Variants in KCNH5 observed in about 807,000 individuals in gnomAD.
KCNH5 encodes the protein potassium voltage-gated channel subfamily H member 5.
In KCNH5, 46 loss-of-function variants were observed where a neutral mutation model predicts 96.1. The ratio of observed to expected loss-of-function variants is 0.48; its 90% CI spans 0.38 to 0.61. The LOEUF (loss-of-function observed/expected upper bound fraction) is 0.61. Among genes scored for constraint, KCNH5 ranks in the 20% least tolerant of loss-of-function variants. The pLI, the probability that KCNH5 is intolerant of heterozygous loss-of-function variation, is 0.00. For missense variants in KCNH5, 907 were observed against 1,225.8 expected, an observed-to-expected ratio of 0.74 and a Z score of 3.88; for synonymous variants, 439 against 449.8, an observed-to-expected ratio of 0.98 and a Z score of 0.30.
intron 9 of KCNH5, among the ~76,000 whole-genome samples, chr14:62,801,204 C>G (rs1886652497): frequency 6.6e-6 from 1 of 151,660 alleles, no homozygotes; most frequent in Non-Finnish European, 1.5e-5. Flanking sequence ...TAAAATCTAT[C>G]AGTTAATCTT....
intron 1 of KCNH5, among the ~76,000 whole-genome samples, chr14:63,024,684 T>C (rs1891493366): frequency 6.6e-6 from 1 of 151,954 alleles, no homozygotes; most frequent in Non-Finnish European, 1.5e-5. Flanking sequence ...GAAATAAATT[T>C]CTAGACACAT....
chr14:62,781,517 G>C (rs527459977), intron 9 of KCNH5, among the ~76,000 whole-genome samples: 76 of 152,248 alleles, frequency 5.0e-4, no homozygotes, highest in East Asian at 3.1e-3. Flanking sequence ...CTGCAGTCTC[G>C]ACCGTAAGAG....
In KCNH5 at chr14:62,706,150, A is replaced by G. The variant is rs1368419003; in HGVS notation, c.*1358T>C. ...CTTTGTGACTTTTTTTAAAAACTTG[A>G]TAATAGGCACTTTCTACAAAGAGGA... On this transcript the variant is annotated 3_prime_UTR_variant, in exon 11 of 11. Coordinates refer to ENST00000322893, the MANE Select transcript of KCNH5 (RefSeq NM_139318.5). 4 of 152,126 alleles carry G rather than the reference A, an allele frequency of 2.6e-5. No homozygotes were observed. Among genetic ancestry groups the G allele is most frequent in the African/African-American group, 7.2e-5 (3 of 41,450 alleles). The allele number at this position is 152,126 out of a possible 1,614,324, so 9.4% of individuals were successfully genotyped here. A position where few individuals can be genotyped will look rare whatever the true frequency, so the allele number is the denominator to read the frequency against.
intron 7 of KCNH5, among the ~76,000 whole-genome samples, chr14:62,862,126 A>G (rs1189069569): frequency 6.6e-6 from 1 of 152,232 alleles, no homozygotes; most frequent in Admixed American, 6.5e-5. Context: ...CAAATACAGA[A>G]TATAACTTAC....
chr14:62,967,172 ATGGTG>A (rs1890320382), intron 6 of KCNH5, among the ~76,000 whole-genome samples: 1 of 152,104 alleles, frequency 6.6e-6, no homozygotes, highest in Non-Finnish European at 1.5e-5. Context: ...CCCATAAGCT[ATGGTG>A]TCCTTATCAA....
At chr14:62,923,062 T>C (rs1889409071) in intron 7 of KCNH5, among the ~76,000 whole-genome samples, 1 of 152,012 alleles carries the variant, frequency 6.6e-6, no homozygotes, top group East Asian at 1.9e-4. Context: ...ATATCTTATA[T>C]ATAGAATAAT....
At chr14:62,823,663 C>A (rs1053973198) in intron 8 of KCNH5, among the ~76,000 whole-genome samples, 1 of 152,054 alleles carries the variant, frequency 6.6e-6, no homozygotes, top group African/African-American at 2.4e-5. Flanking sequence ...ATTCTTTCTC[C>A]ATCATGTCAT....
At chr14:62,947,998 C>T (rs1889925025) in intron 7 of KCNH5, among the ~76,000 whole-genome samples, 2 of 151,224 alleles carry the variant, frequency 1.3e-5, no homozygotes, top group Non-Finnish European at 2.9e-5. Context: ...CCACAACAGT[C>T]CCCAGAGTGT....
intron 8 of KCNH5, among the ~76,000 whole-genome samples, chr14:62,820,423 T>A (rs1887091546): frequency 6.6e-6 from 1 of 151,706 alleles, no homozygotes; most frequent in African/African-American, 2.4e-5. Flanking sequence ...GTTGTACAGA[T>A]TATTTCATCA....
intron 7 of KCNH5, among the ~76,000 whole-genome samples, chr14:62,890,791 A>C (rs1477582886): frequency 6.6e-6 from 1 of 152,208 alleles, no homozygotes; most frequent in African/African-American, 2.4e-5. Context: ...CATGCAAAAA[A>C]ACTCAGTATC....
At chr14:62,861,624 C>T (rs923774021) in intron 7 of KCNH5, among the ~76,000 whole-genome samples, 2 of 145,164 alleles carry the variant, frequency 1.4e-5, no homozygotes, top group Non-Finnish European at 3.0e-5. Flanking sequence ...CATTTCCCCC[C>T]ACCATCTCCA....
At chr14:62,826,531 C>G (rs969181570) in intron 8 of KCNH5, among the ~76,000 whole-genome samples, 3 of 151,488 alleles carry the variant, frequency 2.0e-5, no homozygotes, top group African/African-American at 7.3e-5. Context: ...TAGGTTAGGG[C>G]TAAGCTCTAT....
intron 7 of KCNH5, among the ~76,000 whole-genome samples, chr14:62,941,095 T>A (rs1402095809): frequency 6.6e-6 from 1 of 152,218 alleles, no homozygotes; most frequent in African/African-American, 2.4e-5. Context: ...CTCAAAAGTA[T>A]CTAGTGTTTC....
At chr14:62,970,474 C>G (rs1017373343) in intron 6 of KCNH5, among the ~76,000 whole-genome samples, 3 of 152,188 alleles carry the variant, frequency 2.0e-5, no homozygotes. Flanking sequence ...AGAATACTTT[C>G]TTGTGCATTT....
chr14:62,978,583 TCTC>T (rs1234391183), intron 6 of KCNH5, among the ~76,000 whole-genome samples: 1 of 141,982 alleles, frequency 7.0e-6, no homozygotes, highest in Non-Finnish European at 1.5e-5. Context: ...TGAGACTCCG[TCTC>T]AAAAAAAAAA....
intron 9 of KCNH5, among the ~76,000 whole-genome samples, chr14:62,783,353 G>A (rs950155793): frequency 3.9e-5 from 6 of 152,132 alleles, no homozygotes; most frequent in Non-Finnish European, 7.4e-5. Flanking sequence ...TATTACCACA[G>A]TTCTTGATGG....
chr14:62,825,761 T>G (rs1202873528), intron 8 of KCNH5, among the ~76,000 whole-genome samples: 1 of 148,438 alleles, frequency 6.7e-6, no homozygotes, highest in Non-Finnish European at 1.5e-5. Context: ...TTCTGTCTCT[T>G]TGTTCCTTTC....
At chr14:62,928,476 T>C (rs2140113907) in intron 7 of KCNH5, among the ~76,000 whole-genome samples, 1 of 152,198 alleles carries the variant, frequency 6.6e-6, no homozygotes, top group Middle Eastern at 3.4e-3. Context: ...CAGGCATTAT[T>C]TGGAGCATTT....
intron 8 of KCNH5, among the ~76,000 whole-genome samples, chr14:62,831,116 G>T (rs889673174): frequency 1.3e-5 from 2 of 152,088 alleles, no homozygotes; most frequent in Non-Finnish European, 2.9e-5. Flanking sequence ...TTTAGGACAG[G>T]ATTCTTTTTT....
Sources: allele counts gnomAD v4.1 joint callset (sites outside exome capture counted in the v4.1 genomes callset), GRCh38; gene constraint gnomAD v4.1.1; transcripts MANE v1.5; gene names NCBI Gene and HGNC (gene_info 2026-07-23, HGNC 2026-07-21).